The following MYO5A variants were observed in gnomAD, a reference collection of about 807,000 sequenced individuals.
MYO5A encodes the protein unconventional myosin-Va.
Under a neutral mutation model 249.7 loss-of-function variants are expected in MYO5A, and 98 were observed. The observed-to-expected ratio is 0.39, with a 90% CI of 0.33 to 0.46. The LOEUF is 0.46. Ranked by LOEUF, MYO5A falls within the 20% of genes least tolerant of loss-of-function variation. The pLI is 0.98. For synonymous variants in MYO5A, 778 were observed against 810.6 expected (o/e 0.96, Z 0.68); for missense variants, 1,696 against 2,308.8 (o/e 0.73, Z 5.44).
intron 1 of MYO5A, among the ~76,000 whole-genome samples, chr15:52,466,365 C>T (rs1049634885): frequency 6.6e-5 from 10 of 152,148 alleles, no homozygotes; most frequent in Non-Finnish European, 1.3e-4. Context: ...GGGCTCCCCC[C>T]AACCCCACCC....
Position 52,311,858 on chromosome 15 carries a change from A to G in MYO5A, c.*1838T>C, listed in dbSNP as rs2037785588. 6.5e-6 allele frequency: 1 copy of G among 152,672 alleles called. No homozygotes were observed. The highest frequency in any genetic ancestry group is 2.4e-5 in the African/African-American group (1 of 41,464). 9.5% of individuals were successfully genotyped at this position (152,672 alleles called of 1,614,324 possible). ...TTGAGGCCCATGTAAATTAACAGAC[A>G]GTATTTATCTTTTAATAACAATCTT... is the stretch of plus-strand genomic sequence containing the variant. On this transcript the variant is annotated 3_prime_UTR_variant, in exon 42 of 42. Transcript: ENST00000399233.
chr15:52,507,246 A>G (rs1282894377), intron 1 of MYO5A, among the ~76,000 whole-genome samples: 1 of 152,242 alleles, frequency 6.6e-6, no homozygotes, highest in Non-Finnish European at 1.5e-5. Context: ...TAAAATGCTA[A>G]TTATGCTAGT....
chr15:52,377,239 T>A (rs1245981314), intron 18 of MYO5A, among the ~76,000 whole-genome samples: 1 of 152,008 alleles, frequency 6.6e-6, no homozygotes, highest in Non-Finnish European at 1.5e-5. Flanking sequence ...CTGGCCAACA[T>A]GGTGAAACCC....
intron 1 of MYO5A, among the ~76,000 whole-genome samples, chr15:52,481,463 G>A (rs1297429615): frequency 6.6e-6 from 1 of 152,140 alleles, no homozygotes; most frequent in African/African-American, 2.4e-5. Flanking sequence ...TCAAAGTTCT[G>A]CTGATGAGAT....
At chr15:52,339,139 GA>G (rs66799533) in intron 32 of MYO5A, among the ~76,000 whole-genome samples, 14,811 of 152,132 alleles carry the variant, frequency 0.097, 2,239 homozygotes, top group African/African-American at 0.33. Flanking sequence ...GACAGACTGT[GA>G]AAAAGAATAC....
intron 23 of MYO5A, among the ~76,000 whole-genome samples, chr15:52,366,042 T>A (rs1170159935): frequency 6.6e-6 from 1 of 152,166 alleles, no homozygotes; most frequent in Non-Finnish European, 1.5e-5. Context: ...TTCCTCAGTA[T>A]TAGCCCCTTC....
chr15:52,359,945 A>T, intron 25 of MYO5A, 23 bp downstream of exon 25: 1 of 1,521,812 alleles, frequency 6.6e-7, no homozygotes, highest in Non-Finnish European at 9.1e-7. Context: ...TCCTACTTTC[A>T]GTGACAGATG....
At chr15:52,381,761 G>GTCTC (rs201082702) in intron 16 of MYO5A, among the ~76,000 whole-genome samples, 12,008 of 143,270 alleles carry the variant, frequency 0.084, 1,051 homozygotes, top group East Asian at 0.44. Flanking sequence ...CCCTCCTTTT[G>GTCTC]TGTCTCTCTC....
At chr15:52,522,697 G>T (rs1448275490) in intron 1 of MYO5A, among the ~76,000 whole-genome samples, 1 of 152,230 alleles carries the variant, frequency 6.6e-6, no homozygotes, top group Middle Eastern at 3.4e-3. Context: ...ATTACCTTCT[G>T]AGGTAAGAAG....
chr15:52,361,726 A>C (rs1030866235), intron 24 of MYO5A, among the ~76,000 whole-genome samples: 1 of 152,216 alleles, frequency 6.6e-6, no homozygotes, highest in African/African-American at 2.4e-5. Flanking sequence ...TGATTCAGCA[A>C]CTTCCTTGTT....
At chr15:52,335,608 T>G (rs2039082071) in intron 34 of MYO5A, among the ~76,000 whole-genome samples, 1 of 147,568 alleles carries the variant, frequency 6.8e-6, no homozygotes, top group Non-Finnish European at 1.5e-5. Flanking sequence ...AATAAACACA[T>G]AAACACACTA....
chr15:52,404,968 G>A (rs2141215128), intron 9 of MYO5A, among the ~76,000 whole-genome samples: 1 of 151,972 alleles, frequency 6.6e-6, no homozygotes, highest in South Asian at 2.1e-4. Context: ...TAACTTCCAT[G>A]AGTTTCTGAT....
chr15:52,441,053 C>T (rs41408650), intron 1 of MYO5A, among the ~76,000 whole-genome samples: 22,845 of 152,138 alleles, frequency 0.15, 1,823 homozygotes, highest in Middle Eastern at 0.22. Flanking sequence ...AATCCTGAAA[C>T]GTCACCAGTA....
chr15:52,337,933 G>A, intron 32 of MYO5A, 49 bp from the exon 33 acceptor site: 14 of 1,265,352 alleles, frequency 1.1e-5, no homozygotes, highest in African/African-American at 1.5e-5. Flanking sequence ...TGTGTTTGAG[G>A]GAAATGCTAT....
At chr15:52,318,238 C>G (rs1023458965) in intron 39 of MYO5A, among the ~76,000 whole-genome samples, 1 of 151,986 alleles carries the variant, frequency 6.6e-6, no homozygotes, top group Non-Finnish European at 1.5e-5. Flanking sequence ...GGTGGATCAC[C>G]TGAGGTCAGG....
chr15:52,438,604 G>A (rs767400073), intron 1 of MYO5A, among the ~76,000 whole-genome samples: 8 of 152,176 alleles, frequency 5.3e-5, no homozygotes, highest in Non-Finnish European at 8.8e-5. Context: ...GCTCACACCC[G>A]AGCCATCAGA....
chr15:52,448,200 C>A (rs936698876), intron 1 of MYO5A, among the ~76,000 whole-genome samples: 1 of 152,254 alleles, frequency 6.6e-6, no homozygotes, highest in African/African-American at 2.4e-5. Flanking sequence ...CTTGTGGGCC[C>A]ACTCCTTGCA....
chr15:52,440,435 T>C (rs1305347487), intron 1 of MYO5A, among the ~76,000 whole-genome samples: 1 of 152,190 alleles, frequency 6.6e-6, no homozygotes, highest in Non-Finnish European at 1.5e-5. Context: ...ACCTGGCTAA[T>C]TTTTATATTA....
At chr15:52,392,229 C>T (rs2042271766) in intron 11 of MYO5A, among the ~76,000 whole-genome samples, 159 bp from the exon 12 acceptor site, 1 of 152,124 alleles carries the variant, frequency 6.6e-6, no homozygotes, top group Non-Finnish European at 1.5e-5. Context: ...AATAAAACAA[C>T]AGGAAAACCT....
Sources: allele counts gnomAD v4.1 joint callset (sites outside exome capture counted in the v4.1 genomes callset), GRCh38; gene constraint gnomAD v4.1.1; transcripts MANE v1.5; gene names NCBI Gene and HGNC (gene_info 2026-07-23, HGNC 2026-07-21).